The following SH3GL2 variants were observed in gnomAD, a reference collection of about 807,000 sequenced individuals.
SH3GL2 encodes the protein endophilin-A1.
In SH3GL2, 24 loss-of-function variants were observed where a neutral mutation model predicts 46.0. The ratio of observed to expected loss-of-function variants is 0.52; its 90% CI spans 0.38 to 0.73. The LOEUF is 0.73. Among genes scored for constraint, SH3GL2 ranks in the 30% least tolerant of loss-of-function variants. SH3GL2 has a pLI of 0.00. For missense variants in SH3GL2, 413 were observed against 424.2 expected (o/e 0.97, Z 0.23); for synonymous variants, 196 against 147.1 (o/e 1.33, Z -2.40).
chr9:17,770,771 C>G (rs1207816768), intron 3 of SH3GL2, among the ~76,000 whole-genome samples: 1 of 152,202 alleles, frequency 6.6e-6, no homozygotes, highest in African/African-American at 2.4e-5. Context: ...GGGGTAGTCT[C>G]TAGAACCTAA....
intron 1 of SH3GL2, among the ~76,000 whole-genome samples, chr9:17,644,413 T>A (rs1819756857): frequency 6.6e-6 from 1 of 152,212 alleles, no homozygotes; most frequent in South Asian, 2.1e-4. Context: ...CTTCTAATTG[T>A]GATGTTAGGG....
chr9:17,750,416 C>A (rs1176766796), intron 2 of SH3GL2, among the ~76,000 whole-genome samples: 1 of 152,036 alleles, frequency 6.6e-6, no homozygotes, highest in Non-Finnish European at 1.5e-5. Context: ...TAATCAGCCG[C>A]CCCAGCCACT....
chr9:17,740,480 T>A (rs1222567090), intron 1 of SH3GL2, among the ~76,000 whole-genome samples: 2 of 152,104 alleles, frequency 1.3e-5, no homozygotes, highest in Admixed American at 1.3e-4. Context: ...TGTATTGTAT[T>A]GTATTGTATT....
intron 1 of SH3GL2, among the ~76,000 whole-genome samples, chr9:17,702,295 C>A (rs1393850857): frequency 6.6e-6 from 1 of 151,900 alleles, no homozygotes; most frequent in Non-Finnish European, 1.5e-5. Context: ...TGAATGAAAT[C>A]ATAAAAATCA....
intron 1 of SH3GL2, among the ~76,000 whole-genome samples, chr9:17,727,517 C>G (rs916126844): frequency 6.6e-6 from 1 of 152,140 alleles, no homozygotes; most frequent in African/African-American, 2.4e-5. Context: ...GCCCTCCAGC[C>G]CAAGCTTGGT....
chr9:17,626,877 C>G (rs1226204579), intron 1 of SH3GL2, among the ~76,000 whole-genome samples: 4 of 152,114 alleles, frequency 2.6e-5, no homozygotes, highest in African/African-American at 9.7e-5. Flanking sequence ...AAGAGGAGGC[C>G]TTGAAAATAG....
chr9:17,643,077 G>A lies in SH3GL2; in HGVS notation c.45+63790G>A, dbSNP rs188138960. 1.6e-3 allele frequency among the ~76,000 whole-genome samples: 251 copies of A among 152,284 alleles called. 1 individual carries two copies. The Middle Eastern group carries it at 0.017, about 10-fold the overall frequency. On this transcript the variant is annotated intron_variant, in intron 1 of 8. Transcript: ENST00000380607. Reference sequence around the variant, plus strand: ...CTGTTATTTCCTTGAGCAGTGGTTTGTAGTTCTCCTTGAAGAGGTCCTTCA... The same window carrying A: ...CTGTTATTTCCTTGAGCAGTGGTTTATAGTTCTCCTTGAAGAGGTCCTTCA...
chr9:17,761,144 T>C (rs1823158059), intron 2 of SH3GL2, among the ~76,000 whole-genome samples: 1 of 152,192 alleles, frequency 6.6e-6, no homozygotes, highest in Non-Finnish European at 1.5e-5. Flanking sequence ...GGACAAAATA[T>C]GTTTCATTTT....
intron 6 of SH3GL2, chr9:17,790,492 C>G: frequency 1.3e-6 from 1 of 776,216 alleles, no homozygotes; most frequent in Non-Finnish European, 1.6e-6. Flanking sequence ...TGTAAAACAA[C>G]TTGTGTCCAC....
At chr9:17,692,202 G>A (rs1821097842) in intron 1 of SH3GL2, among the ~76,000 whole-genome samples, 1 of 151,954 alleles carries the variant, frequency 6.6e-6, no homozygotes, top group African/African-American at 2.4e-5. Flanking sequence ...GTATGGATAT[G>A]GGGGACAGCA....
chr9:17,579,545 C>T (rs909835319), intron 1 of SH3GL2, among the ~76,000 whole-genome samples: 3 of 152,138 alleles, frequency 2.0e-5, no homozygotes, highest in Non-Finnish European at 4.4e-5. Flanking sequence ...CGCTGCTCGC[C>T]GCCCCCGCAT....
chr9:17,761,301 T>C (rs1242168656), intron 2 of SH3GL2, 136 bp from the exon 3 acceptor site: 2 of 659,720 alleles, frequency 3.0e-6, no homozygotes, highest in Non-Finnish European at 2.8e-6. Context: ...CAGCCGCGTC[T>C]CAGCCTCCCT....
chr9:17,668,188 C>G (rs759836268), intron 1 of SH3GL2, among the ~76,000 whole-genome samples: 1 of 152,186 alleles, frequency 6.6e-6, no homozygotes, highest in Non-Finnish European at 1.5e-5. Context: ...TGAGAAGCCA[C>G]TGCTTAATCC....
intron 5 of SH3GL2, among the ~76,000 whole-genome samples, chr9:17,788,907 G>A (rs1824040449): frequency 6.6e-6 from 1 of 152,124 alleles, no homozygotes; most frequent in Non-Finnish European, 1.5e-5. Context: ...CAACTTACGT[G>A]ATTCTAACAG....
chr9:17,623,866 TTATC>T (rs1167668911), intron 1 of SH3GL2, among the ~76,000 whole-genome samples: 1 of 152,130 alleles, frequency 6.6e-6, no homozygotes, highest in East Asian at 1.9e-4. Context: ...CGCAGCACTA[TTATC>T]AACTTGAGTA....
intron 2 of SH3GL2, among the ~76,000 whole-genome samples, chr9:17,760,734 C>G (rs971960450): frequency 3.3e-5 from 5 of 152,140 alleles, no homozygotes; most frequent in Non-Finnish European, 7.3e-5. Context: ...AGGAGGCCCA[C>G]AGATGCTGAT....
chr9:17,704,999 A>AT (rs1821433265), intron 1 of SH3GL2, among the ~76,000 whole-genome samples: 1 of 152,070 alleles, frequency 6.6e-6, no homozygotes, highest in African/African-American at 2.4e-5. Flanking sequence ...CAAACTATGC[A>AT]TGCAACAAAG....
intron 2 of SH3GL2, among the ~76,000 whole-genome samples, chr9:17,759,406 A>G (rs1823104463): frequency 6.6e-6 from 1 of 152,224 alleles, no homozygotes. Context: ...AACAAAGCAT[A>G]TTCCAGCTCT....
chr9:17,780,391 T>C (rs923707017), intron 3 of SH3GL2, among the ~76,000 whole-genome samples: 1 of 152,176 alleles, frequency 6.6e-6, no homozygotes, highest in African/African-American at 2.4e-5. Context: ...TGTGAGAACA[T>C]AGCACAGTTT....
Sources: allele counts gnomAD v4.1 joint callset (sites outside exome capture counted in the v4.1 genomes callset), GRCh38; gene constraint gnomAD v4.1.1; transcripts MANE v1.5; gene names NCBI Gene and HGNC (gene_info 2026-07-23, HGNC 2026-07-21).